Variants in MICU2 observed in about 807,000 individuals in gnomAD.
The protein encoded by MICU2 is calcium uptake protein 2, mitochondrial.
A neutral mutation model predicts 60.4 loss-of-function variants in MICU2; 64 were observed. That is an observed-to-expected ratio of 1.06 (90% CI 0.87 to 1.31). The LOEUF (loss-of-function observed/expected upper bound fraction) is 1.31. Among genes scored for constraint, MICU2 ranks in the 50% most tolerant of loss-of-function variants. MICU2 has a pLI of 0.00. For missense variants in MICU2, 569 were observed against 531.0 expected (o/e 1.07, Z -0.70); for synonymous variants, 201 against 175.0 (o/e 1.15, Z -1.17).
chr13:21,508,985 C>T (rs1461245595), intron 8 of MICU2, among the ~76,000 whole-genome samples: 1 of 152,150 alleles, frequency 6.6e-6, no homozygotes, highest in Non-Finnish European at 1.5e-5. Context: ...AGTACTATCC[C>T]TAGTGTTTGA....
At chr13:21,522,741 A>G (rs1886750152) in intron 4 of MICU2, 91 bp from the exon 5 acceptor site, 1 of 946,616 alleles carries the variant, frequency 1.1e-6, no homozygotes, top group African/African-American at 1.7e-5. Context: ...TAATTAAAAA[A>G]CAATTTTACT....
Position 21,495,247 on chromosome 13 carries a change from T to TA in MICU2, c.1113dup (p.Lys372Ter). On this transcript the variant is annotated frameshift_variant, in exon 11 of 12. Coordinates refer to ENST00000382374, the MANE Select transcript of MICU2 (RefSeq NM_152726.3). LOFTEE classifies it high-confidence loss of function. Reference sequence around the variant, plus strand: ...TCATCACCATCCAAATCAAAGATCTTAAAGACAGTGTCCAAAATATTGTTT... The same window carrying TA: ...TCATCACCATCCAAATCAAAGATCTTAAAAGACAGTGTCCAAAATATTGTTT... The TA allele has an allele frequency of 6.2e-7, 1 of 1,613,554 alleles. No individual in the cohort carries two copies. Among genetic ancestry groups the TA allele is most frequent in the Non-Finnish European group, 8.5e-7 (1 of 1,179,732 alleles).
At chr13:21,527,695 C>T (rs1257037352) in intron 4 of MICU2, among the ~76,000 whole-genome samples, 1 of 152,148 alleles carries the variant, frequency 6.6e-6, no homozygotes, top group Non-Finnish European at 1.5e-5. Context: ...TTCAAAACTG[C>T]ATTAGGACAG....
chr13:21,493,428 CTGTT>C, intron 11 of MICU2, 75 bp from the exon 12 acceptor site: 1 of 1,013,702 alleles, frequency 9.9e-7, no homozygotes, highest in South Asian at 1.7e-5. Context: ...CTTTACGTTA[CTGTT>C]TATTTCCTTC....
intron 1 of MICU2, among the ~76,000 whole-genome samples, chr13:21,568,999 A>G (rs1888046650): frequency 6.6e-6 from 1 of 152,118 alleles, no homozygotes; most frequent in Admixed American, 6.5e-5. Flanking sequence ...TACTGAGTTG[A>G]AAGGTTGAGT....
chr13:21,526,113 C>CTTTT (rs34999871), intron 4 of MICU2, among the ~76,000 whole-genome samples: 8 of 110,572 alleles, frequency 7.2e-5, no homozygotes, highest in African/African-American at 1.4e-4. Flanking sequence ...AATTAAAATA[C>CTTTT]TTTTTTTTTT....
chr13:21,506,027 C>CTTT (rs1158304652), intron 8 of MICU2, among the ~76,000 whole-genome samples: 3 of 144,654 alleles, frequency 2.1e-5, no homozygotes, highest in Non-Finnish European at 4.6e-5. Context: ...CCAGACTCCA[C>CTTT]TTTTTTTTTT....
At chr13:21,549,571 T>C (rs1378099938) in intron 2 of MICU2, among the ~76,000 whole-genome samples, 1 of 152,150 alleles carries the variant, frequency 6.6e-6, no homozygotes, top group African/African-American at 2.4e-5. Context: ...TAATCTGAAT[T>C]TGGCTGTCTG....
intron 1 of MICU2, among the ~76,000 whole-genome samples, chr13:21,602,578 A>G (rs192357316): frequency 1.1e-4 from 17 of 152,276 alleles, no homozygotes; most frequent in African/African-American, 3.9e-4. Flanking sequence ...AATCTAGGGG[A>G]GAGAAACTAA....
chr13:21,595,407 C>T (rs1183757816), intron 1 of MICU2, among the ~76,000 whole-genome samples: 1 of 152,238 alleles, frequency 6.6e-6, no homozygotes, highest in East Asian at 1.9e-4. Context: ...ACAGACCAGC[C>T]AGAACCACTT....
At position 21,566,683 on chromosome 13, in the gene MICU2, A is replaced by G. The variant is rs887606190; in HGVS notation, c.358+114T>C. 1.2e-5 allele frequency: 10 copies of G among 833,326 alleles called. No homozygotes were observed. The African/African-American group carries it at 1.8e-4, about 15-fold the overall frequency. 51.6% of individuals were successfully genotyped at this position (833,326 alleles called of 1,614,324 possible). A position where few individuals can be genotyped will look rare whatever the true frequency, so the allele number is the denominator to read the frequency against. On this transcript the variant is annotated intron_variant, in intron 2 of 11. Coordinates refer to ENST00000382374, the MANE Select transcript of MICU2 (RefSeq NM_152726.3). ...AAGAAAAGTCTAAATAAGCAAATGC[A>G]TGGTACAAAGATGATAATTAAAATG...
intron 4 of MICU2, among the ~76,000 whole-genome samples, chr13:21,524,274 A>G (rs368376851): frequency 3.9e-5 from 6 of 152,106 alleles, no homozygotes; most frequent in African/African-American, 1.4e-4. Context: ...AAATAACACA[A>G]TGAAACTCAG....
rs142685823 is a variant in MICU2 at position 21,584,055 on chromosome 13, G to T, written c.211-17111C>A. Among the ~76,000 whole-genome samples, 3 of 152,246 alleles carry T rather than the reference G, an allele frequency of 2.0e-5. No homozygotes were observed. In the East Asian group the frequency reaches 5.8e-4, roughly 29 times the overall value. On this transcript the variant is annotated intron_variant, in intron 1 of 11. Transcript: ENST00000382374. Reference sequence around the variant, plus strand: ...CTGGAACAGTTTGTAGAAACACATTGTGCTTTCATATTTAAGGGTTCATTT... The same window carrying T: ...CTGGAACAGTTTGTAGAAACACATTTTGCTTTCATATTTAAGGGTTCATTT...
intron 2 of MICU2, among the ~76,000 whole-genome samples, chr13:21,552,547 G>A (rs1887598661): frequency 6.6e-6 from 1 of 152,140 alleles, no homozygotes; most frequent in African/African-American, 2.4e-5. Context: ...TTCTTCTAGG[G>A]TTTTTATGGT....
At chr13:21,573,939 CAGA>C (rs1888169638) in intron 1 of MICU2, among the ~76,000 whole-genome samples, 1 of 152,316 alleles carries the variant, frequency 6.6e-6, no homozygotes, top group South Asian at 2.1e-4. Context: ...CACAACATTT[CAGA>C]AGGAGTGGAA....
intron 2 of MICU2, among the ~76,000 whole-genome samples, chr13:21,549,866 T>C (rs138778183): frequency 2.5e-4 from 38 of 152,320 alleles, no homozygotes; most frequent in African/African-American, 8.4e-4. Flanking sequence ...TGGCATCTGT[T>C]CTGTGACCCA....
intron 9 of MICU2, among the ~76,000 whole-genome samples, chr13:21,498,733 C>T (rs1886067901): frequency 6.6e-6 from 1 of 151,664 alleles, no homozygotes; most frequent in Non-Finnish European, 1.5e-5. Flanking sequence ...CCTTGTTTTA[C>T]ACAATGGGAA....
At chr13:21,533,293 A>G (rs1887047973) in intron 4 of MICU2, among the ~76,000 whole-genome samples, 1 of 151,384 alleles carries the variant, frequency 6.6e-6, no homozygotes, top group African/African-American at 2.4e-5. Flanking sequence ...TTTTATATAT[A>G]TATTTTTGTA....
chr13:21,546,014 A>T (rs1329334046), intron 2 of MICU2, among the ~76,000 whole-genome samples: 1 of 152,218 alleles, frequency 6.6e-6, no homozygotes, highest in Non-Finnish European at 1.5e-5. Flanking sequence ...AGTATGTACA[A>T]TTATTATGGG....
Sources: gnomAD v4.1 joint callset for allele counts (sites outside exome capture counted in the v4.1 genomes callset) on GRCh38, gnomAD v4.1.1 for gene constraint, MANE v1.5 for transcripts, NCBI Gene and HGNC (gene_info 2026-07-23, HGNC 2026-07-21) for gene names.